Variants in HNMT observed in about 807,000 individuals in gnomAD.
HNMT encodes the protein histamine N-methyltransferase.
In HNMT, 30 loss-of-function variants were observed where a neutral mutation model predicts 32.1. That is an observed-to-expected ratio of 0.93 (90% CI 0.70 to 1.27). HNMT has a LOEUF of 1.27. Among genes scored for constraint, HNMT ranks in the 50% most tolerant of loss-of-function variants. The pLI is 0.00. For synonymous variants in HNMT, 125 were observed against 119.0 expected, an observed-to-expected ratio of 1.05 and a Z score of -0.33; for missense variants, 327 against 346.0, an observed-to-expected ratio of 0.95 and a Z score of 0.43.
At chr2:137,996,988 G>A (rs1256564411) in intron 2 of HNMT, among the ~76,000 whole-genome samples, 5 of 152,032 alleles carry the variant, frequency 3.3e-5, no homozygotes, top group African/African-American at 1.2e-4. Context: ...ACTGAAACTC[G>A]ACCCCTTCCT....
chr2:138,014,359 C>A lies in HNMT; in HGVS notation c.*229C>A. On this transcript the variant is annotated 3_prime_UTR_variant, in exon 6 of 6. Coordinates refer to ENST00000280097, the MANE Select transcript of HNMT (RefSeq NM_006895.3). ...GTAGAGAGACCACAAGCAGGCTCAA[C>A]ATAACATAAGCTAGAAAAATTAGAT... The A allele has an allele frequency of 2.5e-6, 1 of 406,820 alleles. No homozygotes were observed. Among genetic ancestry groups the A allele is most frequent in the Non-Finnish European group, 4.4e-6 (1 of 228,556 alleles). The allele number at this position is 406,820 out of a possible 1,614,324, so 25.2% of individuals were successfully genotyped here. A position where few individuals can be genotyped will look rare whatever the true frequency, so the allele number is the denominator to read the frequency against.
rs1411884288 is a variant in HNMT at position 138,004,365 on chromosome 2, GGACAGGCTATATGGAATATT to G, written c.430-764_430-745del. 2.6e-5 allele frequency among the ~76,000 whole-genome samples: 4 copies of G among 152,150 alleles called. No homozygotes were observed. In the East Asian group the frequency reaches 7.7e-4, roughly 29 times the overall value. ...TTCCTTTGTGCAATGAATTCTCTAA[GGACAGGCTATATGGAATATT>G]GAATTCTTGTCCAACAAAGATGAAG... On this transcript the variant is annotated intron_variant, in intron 4 of 5. Transcript: ENST00000280097.
chr2:138,014,102 C>G lies in HNMT; in HGVS notation c.851C>G (p.Thr284Ser). 6.3e-7 allele frequency: 1 copy of G among 1,596,096 alleles called. No homozygotes were observed. Among genetic ancestry groups the G allele is most frequent in the East Asian group, 2.2e-5 (1 of 44,618 alleles). ...GAGGGGAAGGTTCTTTTTAATAATA[C>G]TCTGAGTTTCATAGTGATTGAGGCA... ...KKEGKVLFNNTLSFIVIEA is the reference protein window; with the variant it reads ...KKEGKVLFNNSLSFIVIEA Residue 284 changes from threonine (T) to serine (S), a missense_variant, in exon 6 of 6, where the codon ACT becomes AGT. Thr to Ser is a moderately conservative substitution (Grantham distance 58). Transcript: ENST00000280097.
At chr2:137,976,649 T>C (rs1262779159) in intron 2 of HNMT, among the ~76,000 whole-genome samples, 1 of 152,172 alleles carries the variant, frequency 6.6e-6, no homozygotes, top group Non-Finnish European at 1.5e-5. Context: ...TGCAGCATCA[T>C]AGCAGTTAAC....
intron 2 of HNMT, among the ~76,000 whole-genome samples, chr2:137,987,908 C>G (rs925034870): frequency 1.3e-5 from 2 of 152,148 alleles, no homozygotes; most frequent in African/African-American, 4.8e-5. Context: ...TCTCATGCTG[C>G]TTCTGGGCTC....
chr2:137,964,612 C>G lies in HNMT; in HGVS notation c.121C>G (p.Pro41Ala), dbSNP rs1364339749. The part of the protein sequence containing the change: ...CMQEFMDKKL[P>A]GIIGRIGDTK... The stretch of plus-strand genomic sequence containing the variant: ...GCAGGAATTCATGGACAAGAAGCTG[C>G]CAGGCATAATAGGAAGGTAACAAAA... The change falls in exon 1 of 6, where the codon CCA (proline) becomes GCA (alanine). Residue 41 changes from proline (P) to alanine (A), a missense_variant. Pro to Ala is a conservative substitution (Grantham distance 27). Coordinates refer to ENST00000280097, the MANE Select transcript of HNMT (RefSeq NM_006895.3). The G allele has an allele frequency of 1.2e-6, 2 of 1,613,592 alleles. No individual in the cohort carries two copies. The highest frequency in any genetic ancestry group is 1.7e-6 in the Non-Finnish European group (2 of 1,179,754).
intron 2 of HNMT, among the ~76,000 whole-genome samples, chr2:137,974,291 T>C (rs1052205829): frequency 6.6e-6 from 1 of 152,178 alleles, no homozygotes; most frequent in Non-Finnish European, 1.5e-5. Context: ...AGTATTCATG[T>C]TGTTAATTTC....
intron 1 of HNMT, among the ~76,000 whole-genome samples, chr2:137,969,202 C>T (rs544594187): frequency 3.3e-5 from 5 of 152,202 alleles, no homozygotes; most frequent in Admixed American, 2.0e-4. Context: ...TCTTCTCTGT[C>T]TTCTTTGTAT....
intron 2 of HNMT, among the ~76,000 whole-genome samples, chr2:137,999,473 G>A (rs1312606325): frequency 3.3e-5 from 5 of 152,018 alleles, no homozygotes; most frequent in Non-Finnish European, 7.4e-5. Context: ...ATATGCACCT[G>A]GACCACTGTC....
chr2:137,970,081 T>A, intron 1 of HNMT, 84 bp from the exon 2 acceptor site: 1 of 690,378 alleles, frequency 1.4e-6, no homozygotes, highest in Non-Finnish European at 2.5e-6. Flanking sequence ...ATTTTTAGTC[T>A]GTTCTCTTCA....
At chr2:137,978,317 TATA>T (rs375965162) in intron 2 of HNMT, among the ~76,000 whole-genome samples, 2,370 of 147,202 alleles carry the variant, frequency 0.016, 69 homozygotes, top group African/African-American at 0.055. Flanking sequence ...TTAACTGTAA[TATA>T]ATATTACATA....
intron 2 of HNMT, among the ~76,000 whole-genome samples, chr2:137,999,068 T>C (rs1681083862): frequency 6.6e-6 from 1 of 152,202 alleles, no homozygotes; most frequent in Admixed American, 6.6e-5. Context: ...ATCTTTCTAC[T>C]TCTTAGTTGA....
At chr2:137,965,133 C>T (rs1027845786) in intron 1 of HNMT, among the ~76,000 whole-genome samples, 1 of 152,178 alleles carries the variant, frequency 6.6e-6, no homozygotes, top group South Asian at 2.1e-4. Context: ...CTCTCTTCCT[C>T]AAAATTGTCT....
intron 2 of HNMT, among the ~76,000 whole-genome samples, chr2:137,978,561 C>T (rs1028132612): frequency 1.5e-5 from 2 of 135,780 alleles, no homozygotes; most frequent in African/African-American, 2.7e-5. Context: ...TAGTATTATA[C>T]AATACATATG....
At chr2:137,973,929 G>T (rs929126917) in intron 2 of HNMT, among the ~76,000 whole-genome samples, 3 of 152,074 alleles carry the variant, frequency 2.0e-5, no homozygotes, top group African/African-American at 7.2e-5. Context: ...TTTTGCAAAG[G>T]TGCTTGGCAC....
chr2:138,001,478 T>C (rs1446551622), intron 3 of HNMT, among the ~76,000 whole-genome samples: 7 of 152,124 alleles, frequency 4.6e-5, no homozygotes, highest in Admixed American at 2.6e-4. Flanking sequence ...AAAAGAAAAA[T>C]AGGTAAACTA....
chr2:138,012,579 G>C (rs73961933), intron 5 of HNMT, among the ~76,000 whole-genome samples: 1,548 of 152,142 alleles, frequency 0.01, 26 homozygotes, highest in African/African-American at 0.036. Flanking sequence ...CACTGTTAAA[G>C]ATTCTTGTCT....
At chr2:137,992,983 A>G (rs2104960246) in intron 2 of HNMT, among the ~76,000 whole-genome samples, 1 of 152,282 alleles carries the variant, frequency 6.6e-6, no homozygotes, top group South Asian at 2.1e-4. Context: ...AAACAAGCAG[A>G]AAGCAACAAC....
intron 1 of HNMT, among the ~76,000 whole-genome samples, chr2:137,966,033 T>C (rs1470797005): frequency 2.0e-5 from 3 of 152,254 alleles, no homozygotes; most frequent in Non-Finnish European, 4.4e-5. Context: ...CATTTATTTT[T>C]TTCCTGAAGG....
Sources: allele counts gnomAD v4.1 joint callset (sites outside exome capture counted in the v4.1 genomes callset), GRCh38; gene constraint gnomAD v4.1.1; transcripts MANE v1.5; gene names NCBI Gene and HGNC (gene_info 2026-07-23, HGNC 2026-07-21).